The following SCN9A variants were observed in gnomAD, a reference collection of about 807,000 sequenced individuals.
The protein encoded by SCN9A is sodium channel protein type 9 subunit alpha.
A neutral mutation model predicts 187.0 loss-of-function variants in SCN9A; 131 were observed. The observed-to-expected ratio is 0.70, with a 90% confidence interval of 0.61 to 0.81. SCN9A has a LOEUF of 0.81. Among genes scored for constraint, SCN9A ranks in the 30% least tolerant of loss-of-function variants. The pLI is 0.00. For missense variants in SCN9A, 2,252 were observed against 2,396.6 expected (o/e 0.94, Z 1.26); for synonymous variants, 809 against 808.6 (o/e 1.00, Z -0.01).
chr2:166,304,186 CA>C, intron 6 of SCN9A, 51 bp downstream of exon 6: 1 of 1,607,838 alleles, frequency 6.2e-7, no homozygotes, highest in Non-Finnish European at 8.5e-7. Flanking sequence ...GAACAACTCC[CA>C]AATAGTTGGA....
chr2:166,272,911 G>A, intron 16 of SCN9A, 36 bp from the exon 17 acceptor site: 2 of 911,528 alleles, frequency 2.2e-6, no homozygotes, highest in African/African-American at 1.7e-5. Context: ...AGAGAAATAG[G>A]GAGACAGGAA....
Position 166,204,438 on chromosome 2 carries a change from T to A in SCN9A, c.4425A>T (p.Thr1475=). ...CATTATAGTATTTCTTCTGTTCTTCTGTCATAAAGATGTCTTGACCTCCAA... is the reference window on the plus strand; with the variant it reads ...CATTATAGTATTTCTTCTGTTCTTCAGTCATAAAGATGTCTTGACCTCCAA... The part of the protein sequence containing the change: ...KKLGGQDIFM[T]EEQKKYYNAM... The change falls in exon 25 of 27, where the codon ACA becomes ACT. Residue 1475 remains threonine, a synonymous_variant. Transcript: ENST00000642356. 1 of 1,596,400 alleles carries A rather than the reference T, an allele frequency of 6.3e-7. No homozygotes were observed. The highest frequency in any genetic ancestry group is 8.5e-7 in the Non-Finnish European group (1 of 1,174,082).
At chr2:166,266,013 A>G (rs1696719825) in intron 17 of SCN9A, among the ~76,000 whole-genome samples, 1 of 151,828 alleles carries the variant, frequency 6.6e-6, no homozygotes, top group South Asian at 2.1e-4. Context: ...TCTGTAGGTT[A>G]TCTCTTCACT....
chr2:166,228,607 A>G (rs1037730079), intron 22 of SCN9A, 84 bp downstream of exon 22: 1 of 1,226,114 alleles, frequency 8.2e-7, no homozygotes, highest in Non-Finnish European at 1.1e-6. Context: ...TCAATTTATA[A>G]TTAATATACT....
intron 1 of SCN9A, among the ~76,000 whole-genome samples, chr2:166,338,212 T>G (rs371773562): frequency 8.0e-4 from 122 of 152,204 alleles, no homozygotes; most frequent in African/African-American, 2.7e-3. Flanking sequence ...CAAAATTGCT[T>G]GTCTCACATG....
chr2:166,335,324 A>C (rs954047787), intron 1 of SCN9A, among the ~76,000 whole-genome samples: 1 of 152,166 alleles, frequency 6.6e-6, no homozygotes, highest in African/African-American at 2.4e-5. Context: ...AGTAAATTGA[A>C]CTAAATATTG....
chr2:166,247,247 G>A (rs764247157), intron 18 of SCN9A, among the ~76,000 whole-genome samples: 1 of 146,780 alleles, frequency 6.8e-6, no homozygotes, highest in Non-Finnish European at 1.5e-5. Flanking sequence ...AACCATAACA[G>A]CATGATCAAT....
At chr2:166,305,650 G>A (rs1698729587) in intron 5 of SCN9A, 142 bp downstream of exon 5, 1 of 1,104,620 alleles carries the variant, frequency 9.1e-7, no homozygotes, top group Non-Finnish European at 1.3e-6. Context: ...TCAATGACTA[G>A]CTTTCATATA....
Position 166,278,252 on chromosome 2 carries a change from T to C in SCN9A, c.2405A>G (p.Glu802Gly), listed in dbSNP as rs1697325250. The C allele has an allele frequency of 1.2e-6, 2 of 1,612,292 alleles. No homozygotes were observed. Among genetic ancestry groups the C allele is most frequent in the Admixed American group, 1.7e-5 (1 of 59,806 alleles). The change falls in exon 15 of 27, where the codon GAG becomes GGG. Residue 802 changes from glutamate (E) to glycine (G), a missense_variant. Glu to Gly is a moderately conservative substitution (Grantham distance 98). Coordinates refer to ENST00000642356, the MANE Select transcript of SCN9A (RefSeq NM_001365536.1). ...VLKLIAMDPY[E>G]YFQVGWNIFD... Reference sequence around the variant, plus strand: ...AATATTCCAGCCTACTTGGAAATACTCATATGGATCCATGGCAATCAGTTT... The same window carrying C: ...AATATTCCAGCCTACTTGGAAATACCCATATGGATCCATGGCAATCAGTTT...
chr2:166,227,708 A>G lies in SCN9A; in HGVS notation c.4222T>C (p.Trp1408Arg). 6.6e-7 allele frequency: 1 copy of G among 1,516,386 alleles called. No individual in the cohort carries two copies. Among genetic ancestry groups the G allele is most frequent in the East Asian group, 2.4e-5 (1 of 41,680 alleles). The allele number at this position is 1,516,386 out of a possible 1,614,324, so 93.9% of individuals were successfully genotyped here. Residue 1408 changes from tryptophan to arginine, a missense_variant, in exon 23 of 27, where the codon TGG becomes CGG. Transcript: ENST00000642356. ...SLLQVATFKG[W>R]TIIMYAAVDS... ...ACTGCTGCATACATAATAATCGTCC[A>G]TCCCTTAAAAGTTGCCTTTAAGAAT...
intron 1 of SCN9A, among the ~76,000 whole-genome samples, chr2:166,318,861 G>A (rs574218458): frequency 1.3e-5 from 2 of 152,136 alleles, no homozygotes; most frequent in South Asian, 4.2e-4. Flanking sequence ...TATATTTTAG[G>A]AGAATTTTAA....
Position 166,288,432 on chromosome 2 carries a change from A to G in SCN9A, c.1314+5T>C, listed in dbSNP as rs770452089. 3.7e-6 allele frequency: 6 copies of G among 1,601,964 alleles called. No homozygotes were observed. Among genetic ancestry groups the G allele is most frequent in the Non-Finnish European group, 5.1e-6 (6 of 1,171,292 alleles). ...TAGGAAGAATTTTAAATCAAATAAC[A>G]GTACCTCAGCTTCTTCTTGCTCTTT... On this transcript the variant is annotated splice_donor_5th_base_variant and intron_variant, in intron 10 of 26. Coordinates refer to ENST00000642356, the MANE Select transcript of SCN9A (RefSeq NM_001365536.1).
At chr2:166,232,290 C>T (rs1480571460) in intron 21 of SCN9A, among the ~76,000 whole-genome samples, 2 of 152,176 alleles carry the variant, frequency 1.3e-5, no homozygotes, top group Non-Finnish European at 2.9e-5. Flanking sequence ...ACTTGTTTGT[C>T]TCTGCTAATT....
rs201853594 is a variant in SCN9A, at chr2:166,197,796, C to G, written c.*876G>C. 6.6e-6 allele frequency: 1 copy of G among 152,126 alleles called. No homozygotes were observed. The highest frequency in any genetic ancestry group is 2.4e-5 in the African/African-American group (1 of 41,454). The allele number at this position is 152,126 out of a possible 1,614,324, so 9.4% of individuals were successfully genotyped here. A position where few individuals can be genotyped will look rare whatever the true frequency, so the allele number is the denominator to read the frequency against. The stretch of plus-strand genomic sequence containing the variant: ...AAGAGACTATTATCAGTATTTTGGG[C>G]AGCACAGTCAAATGTTAGGCTATGT... On this transcript the variant is annotated 3_prime_UTR_variant, in exon 27 of 27. Transcript: ENST00000642356.
At chr2:166,286,223 T>G (rs947482054) in intron 11 of SCN9A, 113 bp downstream of exon 11, 3 of 1,028,660 alleles carry the variant, frequency 2.9e-6, no homozygotes, top group Non-Finnish European at 4.2e-6. Flanking sequence ...TTACCTAAAA[T>G]CATACCAATG....
At chr2:166,284,116 A>G (rs1196870574) in intron 12 of SCN9A, among the ~76,000 whole-genome samples, 1 of 152,242 alleles carries the variant, frequency 6.6e-6, no homozygotes, top group African/African-American at 2.4e-5. Context: ...GGGATCTATT[A>G]TTAACTAATA....
chr2:166,216,789 T>A, intron 24 of SCN9A, among the ~76,000 whole-genome samples: 1 of 152,036 alleles, frequency 6.6e-6, no homozygotes, highest in East Asian at 1.9e-4. Flanking sequence ...AGAATTAATA[T>A]TGTTAAAATG....
intron 17 of SCN9A, among the ~76,000 whole-genome samples, chr2:166,256,173 T>C (rs1696265737): frequency 6.6e-6 from 1 of 151,358 alleles, no homozygotes; most frequent in Non-Finnish European, 1.5e-5. Context: ...ATTCAGGGCC[T>C]TTATTTTTTT....
Position 166,348,988 on chromosome 2 carries a change from C to T in SCN9A, c.-51+26709G>A, listed in dbSNP as rs568724063. 1.9e-4 allele frequency among the ~76,000 whole-genome samples: 29 copies of T among 152,076 alleles called. No homozygotes were observed. The East Asian group carries it at 1.9e-3, about 10-fold the overall frequency. On this transcript the variant is annotated intron_variant, in intron 1 of 26. Transcript: ENST00000642356. ...TAAAAAAAATACAAAATTAGCCGGG[C>T]GTGGTGGCGCGTGCTTATAATCCCG...
Sources: allele counts gnomAD v4.1 joint callset (sites outside exome capture counted in the v4.1 genomes callset), GRCh38; gene constraint gnomAD v4.1.1; transcripts MANE v1.5; gene names NCBI Gene and HGNC (gene_info 2026-07-23, HGNC 2026-07-21).